The following ST13 variants were observed in gnomAD, a reference collection of about 807,000 sequenced individuals.
The protein encoded by ST13 is hsc70-interacting protein.
A neutral mutation model predicts 56.7 loss-of-function variants in ST13; 23 were observed. The observed-to-expected ratio is 0.41, with a 90% CI of 0.29 to 0.57. The LOEUF is 0.57. Among genes scored for constraint, ST13 ranks in the 20% least tolerant of loss-of-function variants. The probability of loss-of-function intolerance (pLI) is 0.36; values close to 1 mark genes in which losing one functional copy is unlikely to be tolerated. For missense variants in ST13, 369 were observed against 459.9 expected, an observed-to-expected ratio of 0.80 and a Z score of 1.81; for synonymous variants, 132 against 142.4, an observed-to-expected ratio of 0.93 and a Z score of 0.52.
chr22:40,853,161 G>A (rs1216663780), intron 1 of ST13, among the ~76,000 whole-genome samples: 2 of 152,040 alleles, frequency 1.3e-5, no homozygotes, highest in East Asian at 1.9e-4. Flanking sequence ...ATAAATCTGA[G>A]GATTAGATAG....
At chr22:40,849,089 T>A (rs2057847642) in intron 2 of ST13, among the ~76,000 whole-genome samples, 1 of 152,210 alleles carries the variant, frequency 6.6e-6, no homozygotes, top group Admixed American at 6.5e-5. Flanking sequence ...ACGCTGTGTA[T>A]CTTGTAAATT....
intron 11 of ST13, 126 bp downstream of exon 11, chr22:40,826,959 GTCACTCTTGCA>G: frequency 9.6e-7 from 1 of 1,045,826 alleles, no homozygotes; most frequent in Non-Finnish European, 1.4e-6. Flanking sequence ...GAAAATAAAT[GTCACTCTTGCA>G]TAATTAGCTA....
chr22:40,833,129 G>C (rs926140046), intron 7 of ST13, among the ~76,000 whole-genome samples: 1 of 152,194 alleles, frequency 6.6e-6, no homozygotes, highest in Admixed American at 6.5e-5. Flanking sequence ...TGGGGCAGAG[G>C]AGACAGCAAC....
intron 5 of ST13, among the ~76,000 whole-genome samples, chr22:40,837,142 T>C (rs774006071): frequency 6.6e-5 from 10 of 152,180 alleles, no homozygotes; most frequent in Admixed American, 2.0e-4. Flanking sequence ...CACAATTCAC[T>C]GTGAAAGATA....
At chr22:40,829,398 T>C (rs574350066) in intron 10 of ST13, among the ~76,000 whole-genome samples, 83 of 152,346 alleles carry the variant, frequency 5.4e-4, no homozygotes, top group African/African-American at 2.0e-3. Context: ...TTTGCCTCAC[T>C]AGCAATTTCT....
In ST13 at chr22:40,834,666, C is replaced by T. The variant is rs183233875; in HGVS notation, c.578+894G>A. Among the ~76,000 whole-genome samples the T allele has an allele frequency of 1.5e-4, 23 of 152,174 alleles. No homozygotes were observed. In the East Asian group the frequency reaches 3.5e-3, roughly 23 times the overall value. On this transcript the variant is annotated intron_variant, in intron 7 of 11. Coordinates refer to ENST00000216218, the MANE Select transcript of ST13 (RefSeq NM_003932.5). Reference sequence around the variant, plus strand: ...TTCCGCTATAATGAACCACGATTTCCCACAGAAATAGCTTATTTTCAGTCT... The same window carrying T: ...TTCCGCTATAATGAACCACGATTTCTCACAGAAATAGCTTATTTTCAGTCT...
chr22:40,833,349 C>G (rs917520810), intron 7 of ST13, among the ~76,000 whole-genome samples: 1 of 151,706 alleles, frequency 6.6e-6, no homozygotes, highest in Admixed American at 6.6e-5. Context: ...GCGGGCAGAA[C>G]GCGAGGTCAG....
chr22:40,830,529 C>T (rs146692377), intron 9 of ST13, among the ~76,000 whole-genome samples: 82 of 152,214 alleles, frequency 5.4e-4, no homozygotes, highest in African/African-American at 2.0e-3. Context: ...ATTAATCTGG[C>T]GAAGCATCCT....
rs739273 is a variant in ST13 at position 40,849,019 on chromosome 22, A to C, written c.169-650T>G. 4.5e-3 allele frequency among the ~76,000 whole-genome samples: 681 copies of C among 152,308 alleles called. 4 individuals carry two copies. The highest frequency in any genetic ancestry group is 6.5e-3 in the Admixed American group (100 of 15,300). On this transcript the variant is annotated intron_variant, in intron 2 of 11. Transcript: ENST00000216218. ...ACCAGTGTGGTTTCTTGTATATCCC[A>C]TTGCAGGATAGTCTCTCTATATATG...
chr22:40,835,663 C>G lies in ST13; in HGVS notation c.475G>C (p.Val159Leu). ...GCAGCATTTGGCTTCTGTAATTTGA[C>G]GAAGACACTGAAAAATAAGTGTGTT... ...ILYAKRASVF[V>L]KLQKPNAAIR... Residue 159 changes from valine (V) to leucine (L), a missense_variant, in exon 7 of 12, where the codon GTC becomes CTC. This residue lies in a region of ST13 where 64 missense variants were observed against 125.1 expected (regional missense o/e 0.51). Transcript: ENST00000216218. The G allele has an allele frequency of 6.2e-7, 1 of 1,613,490 alleles. No homozygotes were observed. Among genetic ancestry groups the G allele is most frequent in the African/African-American group, 1.3e-5 (1 of 75,006 alleles).
At chr22:40,850,745 GAGC>G in intron 2 of ST13, 75 bp downstream of exon 2, 2 of 1,038,670 alleles carry the variant, frequency 1.9e-6, no homozygotes, top group Non-Finnish European at 2.9e-6. Flanking sequence ...GATAACTGGA[GAGC>G]AGCAGTTTAA....
intron 4 of ST13, among the ~76,000 whole-genome samples, chr22:40,841,154 A>C (rs1258511943): frequency 6.6e-6 from 1 of 151,952 alleles, no homozygotes; most frequent in Non-Finnish European, 1.5e-5. Context: ...TAAGAACAAA[A>C]ACATGTGCAT....
At chr22:40,849,873 A>G (rs1002394664) in intron 2 of ST13, among the ~76,000 whole-genome samples, 5 of 146,132 alleles carry the variant, frequency 3.4e-5, no homozygotes, top group African/African-American at 1.3e-4. Flanking sequence ...TAAAACAGCT[A>G]TTTTCTTGTC....
Position 40,848,381 on chromosome 22 carries a change from AAGAC to A in ST13, c.169-16_169-13del, listed in dbSNP as rs751405954. On this transcript the variant is annotated splice_polypyrimidine_tract_variant and intron_variant, in intron 2 of 11. Coordinates refer to ENST00000216218, the MANE Select transcript of ST13 (RefSeq NM_003932.5). ...TCAGGTTTTTCTTCCTAGCAAAGGG[AAGAC>A]AAACAGTACTATCAGTATTTAATAA... 1.3e-6 allele frequency: 2 copies of A among 1,564,110 alleles called. No homozygotes were observed. The highest frequency in any genetic ancestry group is 2.2e-5 in the South Asian group (2 of 90,004).
Position 40,833,870 on chromosome 22 carries a change from A to G in ST13, c.579-1199T>C, listed in dbSNP as rs542658676. ...GAAGGAGCAAAATGCCTCAAAACAA[A>G]ACAAAACAAAACAAAACACTGTGTA... On this transcript the variant is annotated intron_variant, in intron 7 of 11. Transcript: ENST00000216218. 4.3e-4 allele frequency among the ~76,000 whole-genome samples: 65 copies of G among 151,844 alleles called. No homozygotes were observed. The South Asian group carries it at 0.014, about 32-fold the overall frequency.
rs1345975494 is a variant in ST13, at chr22:40,829,147, T to C, written c.847+479A>G. 2.0e-5 allele frequency among the ~76,000 whole-genome samples: 3 copies of C among 152,234 alleles called. No individual in the cohort carries two copies. In the East Asian group the frequency reaches 5.8e-4, roughly 29 times the overall value. On this transcript the variant is annotated intron_variant, in intron 10 of 11. Transcript: ENST00000216218. The stretch of plus-strand genomic sequence containing the variant: ...GGCTAGATTTTCTAGCATCGGATCA[T>C]GCAACTAAGTTCTAACCAGTGACAT...
intron 5 of ST13, among the ~76,000 whole-genome samples, chr22:40,839,056 C>T (rs559215790): frequency 6.6e-6 from 1 of 151,956 alleles, no homozygotes; most frequent in Admixed American, 6.6e-5. Flanking sequence ...TCACAGGTTA[C>T]AAGCAAGAGT....
intron 1 of ST13, among the ~76,000 whole-genome samples, chr22:40,855,077 T>C (rs886928110): frequency 6.6e-6 from 1 of 152,154 alleles, no homozygotes; most frequent in African/African-American, 2.4e-5. Flanking sequence ...CGCTGACAGA[T>C]TGTAACGAGT....
At chr22:40,833,702 C>T (rs1235153974) in intron 7 of ST13, among the ~76,000 whole-genome samples, 1 of 152,024 alleles carries the variant, frequency 6.6e-6, no homozygotes, top group Non-Finnish European at 1.5e-5. Flanking sequence ...GTGGCAAAAC[C>T]CCATCTCTAA....
Sources: allele counts gnomAD v4.1 joint callset (sites outside exome capture counted in the v4.1 genomes callset), GRCh38; gene constraint gnomAD v4.1.1; regional missense constraint gnomAD v4.1.1; transcripts MANE v1.5; gene names NCBI Gene and HGNC (gene_info 2026-07-23, HGNC 2026-07-21).